The following LINGO2 variants were observed in gnomAD, a reference collection of about 807,000 sequenced individuals.
LINGO2 encodes the protein leucine rich repeat and Ig domain containing 2, also known as leucine-rich repeat and immunoglobulin-like domain-containing nogo receptor-interacting protein 2.
Under a neutral mutation model 30.6 loss-of-function variants are expected in LINGO2, and 14 were observed. The ratio of observed to expected loss-of-function variants is 0.46; its 90% CI spans 0.30 to 0.72. LINGO2 has a LOEUF of 0.72. LINGO2 is among the 30% of genes least tolerant of loss of function. LINGO2 has a pLI of 0.07. For synonymous variants in LINGO2, 317 were observed against 288.5 expected (o/e 1.10, Z -1.00); for missense variants, 729 against 751.7 (o/e 0.97, Z 0.35).
intron 4 of LINGO2, among the ~76,000 whole-genome samples, chr9:28,039,582 G>T (rs1323204778): frequency 6.6e-6 from 1 of 152,072 alleles, no homozygotes; most frequent in East Asian, 1.9e-4. Flanking sequence ...TTGAGTACAT[G>T]TAAGTCTTTT....
chr9:28,815,043 T>C, the LINGO2 span, among the ~76,000 whole-genome samples: 1 of 152,208 alleles, frequency 6.6e-6, no homozygotes, highest in South Asian at 2.1e-4. Flanking sequence ...AAGAGGAATT[T>C]TGATTCCTAA....
At chr9:28,498,179 C>T (rs1413941317) in intron 1 of LINGO2, among the ~76,000 whole-genome samples, 3 of 152,170 alleles carry the variant, frequency 2.0e-5, no homozygotes, top group Non-Finnish European at 4.4e-5. Flanking sequence ...CTACTCTCTT[C>T]AAAGCTGTCA....
intron 4 of LINGO2, among the ~76,000 whole-genome samples, chr9:28,028,744 GTATTT>G (rs1178629564): frequency 7.2e-5 from 11 of 152,108 alleles, no homozygotes; most frequent in African/African-American, 1.9e-4. Flanking sequence ...TGTGTTTTTT[GTATTT>G]TTTTTCTTTT....
chr9:28,835,191 G>T, the LINGO2 span, among the ~76,000 whole-genome samples: 10 of 152,228 alleles, frequency 6.6e-5, no homozygotes, highest in African/African-American at 2.2e-4. Flanking sequence ...TTTGCACAGA[G>T]AACCAGATTT....
At chr9:28,739,049 T>C in the LINGO2 span, among the ~76,000 whole-genome samples, 2 of 151,926 alleles carry the variant, frequency 1.3e-5, no homozygotes, top group Non-Finnish European at 2.9e-5. Context: ...GAAATGGTGG[T>C]TTTAAAAAAT....
chr9:28,940,529 C>T, the LINGO2 span, among the ~76,000 whole-genome samples: 1 of 151,870 alleles, frequency 6.6e-6, no homozygotes, highest in East Asian at 1.9e-4. Context: ...TATTATACAC[C>T]TTGAGGTTTA....
the LINGO2 span, among the ~76,000 whole-genome samples, chr9:29,174,529 C>A: frequency 6.6e-6 from 1 of 152,034 alleles, no homozygotes; most frequent in Non-Finnish European, 1.5e-5. Flanking sequence ...ACAGAAATTT[C>A]AATTGAAGAC....
chr9:28,878,044 CG>C, the LINGO2 span, among the ~76,000 whole-genome samples: 3 of 152,002 alleles, frequency 2.0e-5, no homozygotes, highest in South Asian at 6.2e-4. Flanking sequence ...TTAATGAATC[CG>C]GGAGCTGGTT....
At chr9:28,710,774 G>C in the LINGO2 span, among the ~76,000 whole-genome samples, 3 of 151,996 alleles carry the variant, frequency 2.0e-5, no homozygotes, top group Non-Finnish European at 4.4e-5. Context: ...ATTTACATGA[G>C]TTGAATAATA....
chr9:28,017,646 C>T (rs1822905562), intron 4 of LINGO2, among the ~76,000 whole-genome samples: 1 of 152,078 alleles, frequency 6.6e-6, no homozygotes, highest in African/African-American at 2.4e-5. Flanking sequence ...AGGAATACAG[C>T]TAATCAGGGA....
At chr9:29,040,271 A>G in the LINGO2 span, among the ~76,000 whole-genome samples, 1 of 152,132 alleles carries the variant, frequency 6.6e-6, no homozygotes, top group African/African-American at 2.4e-5. Flanking sequence ...GGAATTTTGT[A>G]GCATAAAGGT....
intron 1 of LINGO2, among the ~76,000 whole-genome samples, chr9:28,632,822 T>TA (rs1827042279): frequency 1.0e-5 from 1 of 100,252 alleles, no homozygotes; most frequent in Non-Finnish European, 2.0e-5. Flanking sequence ...TCTATATATA[T>TA]TATATATTAT....
At chr9:28,049,347 TAGG>T in intron 4 of LINGO2, among the ~76,000 whole-genome samples, 1 of 150,836 alleles carries the variant, frequency 6.6e-6, no homozygotes, top group Middle Eastern at 3.2e-3. Context: ...CGTACAGTAC[TAGG>T]GTTAGGCTAT....
chr9:28,111,388 G>GA (rs1316468748), intron 4 of LINGO2, among the ~76,000 whole-genome samples: 2 of 151,334 alleles, frequency 1.3e-5, no homozygotes, highest in Non-Finnish European at 2.9e-5. Flanking sequence ...ATGTATCCCA[G>GA]AAGTTAAAGT....
chr9:28,543,359 C>A (rs1821789124), intron 1 of LINGO2, among the ~76,000 whole-genome samples: 2 of 151,920 alleles, frequency 1.3e-5, no homozygotes, highest in East Asian at 1.9e-4. Flanking sequence ...TACTTGTTAC[C>A]CCTTTTTCAA....
chr9:28,007,117 C>T (rs181462851), intron 5 of LINGO2, among the ~76,000 whole-genome samples: 5 of 152,078 alleles, frequency 3.3e-5, no homozygotes, highest in Non-Finnish European at 5.9e-5. Context: ...AAATCACTTA[C>T]GTAGCATAGA....
At chr9:28,969,361 G>C in the LINGO2 span, among the ~76,000 whole-genome samples, 1 of 152,146 alleles carries the variant, frequency 6.6e-6, no homozygotes, top group Admixed American at 6.6e-5. Flanking sequence ...AAGACCAGGG[G>C]CAGGTAGTGG....
rs116468201 is a variant in LINGO2 at position 28,631,309 on chromosome 9, C to G, written c.-365+38891G>C. 4.0e-5 allele frequency among the ~76,000 whole-genome samples: 6 copies of G among 150,876 alleles called. No individual in the cohort carries two copies. In the South Asian group the frequency reaches 6.3e-4, roughly 16 times the overall value. ...TATCCCCCAATGCCATACCTCCCCC[C>G]ACCCCCACCCCATGACAGGCTCCGG... On this transcript the variant is annotated intron_variant, in intron 1 of 5. Coordinates refer to ENST00000379992, the Ensembl canonical transcript of LINGO2.
chr9:28,037,877 T>C (rs1033123142), intron 4 of LINGO2, among the ~76,000 whole-genome samples: 4 of 152,198 alleles, frequency 2.6e-5, no homozygotes, highest in Non-Finnish European at 5.9e-5. Flanking sequence ...ACTCTACTAG[T>C]CCTTTACCTG....
Sources: allele counts gnomAD v4.1 joint callset (sites outside exome capture counted in the v4.1 genomes callset), GRCh38; gene constraint gnomAD v4.1.1; transcripts MANE v1.5; gene names NCBI Gene and HGNC (gene_info 2026-07-23, HGNC 2026-07-21).